Variants in AP2S1 observed in about 807,000 individuals in gnomAD.
AP2S1 encodes AP-2 complex subunit sigma.
Under a neutral mutation model 21.0 loss-of-function variants are expected in AP2S1, and 6 were observed. That is an observed-to-expected ratio of 0.29 (90% CI 0.16 to 0.56). AP2S1 has a LOEUF of 0.56. Ranked by LOEUF, AP2S1 falls within the 20% of genes least tolerant of loss-of-function variation. The pLI is 0.92. For missense variants in AP2S1, 60 were observed against 186.2 expected, an observed-to-expected ratio of 0.32 and a Z score of 3.95; for synonymous variants, 63 against 74.6, an observed-to-expected ratio of 0.84 and a Z score of 0.80.
intron 2 of AP2S1, among the ~76,000 whole-genome samples, chr19:46,841,617 A>G (rs2055522438): frequency 6.6e-6 from 1 of 152,114 alleles, no homozygotes; most frequent in Admixed American, 6.6e-5. Context: ...TCCCCATTGG[A>G]CTGAGCCTGT....
intron 1 of AP2S1, among the ~76,000 whole-genome samples, chr19:46,849,676 TCCCCTCTAGATGCCCC>T: frequency 6.6e-6 from 1 of 152,194 alleles, no homozygotes; most frequent in South Asian, 2.1e-4. Flanking sequence ...GCCTCTGCTG[TCCCCTCTAGATGCCCC>T]CCAACCTTCC....
chr19:46,842,860 C>T lies in AP2S1; in HGVS notation c.153+3133G>A, dbSNP rs553755475. Among the ~76,000 whole-genome samples, 5 of 152,162 alleles carry T rather than the reference C, an allele frequency of 3.3e-5. No individual in the cohort carries two copies. In the South Asian group the frequency reaches 8.3e-4, roughly 25 times the overall value. ...TCTCCCTCATCTCTCTGCCTGCAGA[C>T]GTGGCCCTCTGGTGCTCTCCTCGGT... is the stretch of plus-strand genomic sequence containing the variant. On this transcript the variant is annotated intron_variant, in intron 2 of 4. Coordinates refer to ENST00000263270, the MANE Select transcript of AP2S1 (RefSeq NM_004069.6).
At chr19:46,843,846 C>T (rs1173057675) in intron 2 of AP2S1, among the ~76,000 whole-genome samples, 3 of 152,102 alleles carry the variant, frequency 2.0e-5, no homozygotes, top group Non-Finnish European at 4.4e-5. Context: ...TGTAATTGCA[C>T]CACTGTACTC....
intron 3 of AP2S1, 83 bp downstream of exon 3, chr19:46,839,379 AGGG>A: frequency 7.0e-7 from 1 of 1,426,660 alleles, no homozygotes; most frequent in South Asian, 1.2e-5. Context: ...AGGGCTCAGG[AGGG>A]ACCAGGGAGG....
intron 3 of AP2S1, 27 bp downstream of exon 3, chr19:46,839,438 C>CCCCCAAAAAA: frequency 6.3e-7 from 1 of 1,577,422 alleles, no homozygotes; most frequent in Non-Finnish European, 8.7e-7. Flanking sequence ...ACCCGCCTCC[C>CCCCCAAAAAA]CACCTTACAT....
rs2055484524 is a variant in AP2S1 at position 46,839,773 on chromosome 19, C to G, written c.154-195G>C. The stretch of plus-strand genomic sequence containing the variant: ...CACAGTGCAGCGGGGGCAGGCATCC[C>G]CAGAATGGACAGGATGGGCTGTGAG... On this transcript the variant is annotated intron_variant, in intron 2 of 4. Coordinates refer to ENST00000263270, the MANE Select transcript of AP2S1 (RefSeq NM_004069.6). The G allele has an allele frequency of 5.6e-6, 5 of 896,678 alleles. No individual in the cohort carries two copies. In the East Asian group the frequency reaches 1.4e-4, roughly 24 times the overall value. The allele number at this position is 896,678 out of a possible 1,614,324, so 55.5% of individuals were successfully genotyped here.
At chr19:46,849,233 T>C (rs1194259596) in intron 1 of AP2S1, among the ~76,000 whole-genome samples, 4 of 151,516 alleles carry the variant, frequency 2.6e-5, no homozygotes, top group Non-Finnish European at 5.9e-5. Flanking sequence ...CTCGAACTCC[T>C]GACCTTATGT....
At position 46,838,829 on chromosome 19, in the gene AP2S1, A is replaced by G; in HGVS notation, c.268-30T>C. 1.2e-6 allele frequency: 2 copies of G among 1,604,886 alleles called. No homozygotes were observed. The highest frequency in any genetic ancestry group is 1.7e-6 in the Non-Finnish European group (2 of 1,172,180). ...GAGAGGAAGGCAGAGATGGTAAGAG[A>G]TGGGCAGGGAGAGAGCCACACACGC... On this transcript the variant is annotated intron_variant, in intron 3 of 4. Coordinates refer to ENST00000263270, the MANE Select transcript of AP2S1 (RefSeq NM_004069.6). This position sits in a 1 kb window ranked among gnomAD's most constrained non-coding sequence, Gnocchi z 4.1.
chr19:46,848,376 T>C (rs1599775533), intron 1 of AP2S1, among the ~76,000 whole-genome samples: 2 of 152,076 alleles, frequency 1.3e-5, no homozygotes, highest in South Asian at 4.1e-4. Flanking sequence ...CGAGACGCTG[T>C]CTCAAAAAAA....
At chr19:46,850,604 G>A (rs964347087) in intron 1 of AP2S1, 160 bp downstream of exon 1, 10 of 691,346 alleles carry the variant, frequency 1.4e-5, no homozygotes, top group South Asian at 1.9e-5. Flanking sequence ...ACCGCCCTGT[G>A]CCCTCCTTCC....
intron 2 of AP2S1, among the ~76,000 whole-genome samples, chr19:46,845,235 C>T (rs1422626250): frequency 6.6e-6 from 1 of 151,492 alleles, no homozygotes; most frequent in Non-Finnish European, 1.5e-5. Flanking sequence ...GGTGAAACCT[C>T]GTCTCTACCA....
rs112515986 is a variant in AP2S1 at position 46,845,990 on chromosome 19, C to G, written c.153+3G>C. ...GGTGCAGGAGGCATGGAGCGGGCGT[C>G]ACCTCCACAAAGTTGGTGTGTTTGG... On this transcript the variant is annotated splice_donor_region_variant and intron_variant, in intron 2 of 4. Transcript: ENST00000263270. 1 of 1,614,012 alleles carries G rather than the reference C, an allele frequency of 6.2e-7. No homozygotes were observed.
chr19:46,839,573 C>T lies in AP2S1; in HGVS notation c.159G>A (p.Arg53=), dbSNP rs899780265. 6.2e-7 allele frequency: 1 copy of T among 1,614,148 alleles called. No individual in the cohort carries two copies. Among genetic ancestry groups the T allele is most frequent in the African/African-American group, 1.3e-5 (1 of 75,044 alleles). ...DAKHTNFVEF[R]NFKIIYRRYA... is the part of the protein sequence containing the mutation. Reference sequence around the variant, plus strand: ...AGCGGCGGTAAATGATCTTAAAGTTCCGGAACTGCAGAACAGAGAGGCTGT... The same window carrying T: ...AGCGGCGGTAAATGATCTTAAAGTTTCGGAACTGCAGAACAGAGAGGCTGT... The change falls in exon 3 of 5, where the codon CGG becomes CGA. Residue 53 remains arginine, a synonymous_variant. Transcript: ENST00000263270.
At chr19:46,843,301 G>C (rs955669482) in intron 2 of AP2S1, among the ~76,000 whole-genome samples, 1 of 152,114 alleles carries the variant, frequency 6.6e-6, no homozygotes, top group Non-Finnish European at 1.5e-5. Flanking sequence ...ACCTCTCTCC[G>C]AGCAGTCTCC....
Position 46,850,843 on chromosome 19 carries a change from GC to G in AP2S1, c.-78del. The stretch of plus-strand genomic sequence containing the variant: ...CTCCGGCTCAGGGTGCAGTTGTAGG[GC>G]CCAGAGCTAGAGCGGACTTCCGGTA... On this transcript the variant is annotated 5_prime_UTR_variant, in exon 1 of 5. Coordinates refer to ENST00000263270, the MANE Select transcript of AP2S1 (RefSeq NM_004069.6). 1 of 1,385,594 alleles carries G rather than the reference GC, an allele frequency of 7.2e-7. No individual in the cohort carries two copies. The highest frequency in any genetic ancestry group is 9.8e-7 in the Non-Finnish European group (1 of 1,025,108). 85.8% of individuals were successfully genotyped at this position (1,385,594 alleles called of 1,614,324 possible).
intron 2 of AP2S1, among the ~76,000 whole-genome samples, chr19:46,840,949 G>GT (rs1038403553): frequency 7.3e-5 from 11 of 150,262 alleles, no homozygotes; most frequent in Non-Finnish European, 1.2e-4. Flanking sequence ...TGTTTTCAGG[G>GT]TTTTTTTTGT....
chr19:46,850,796 C>T lies in AP2S1; in HGVS notation c.-30G>A. The T allele has an allele frequency of 6.4e-7, 1 of 1,552,882 alleles. No individual in the cohort carries two copies. The highest frequency in any genetic ancestry group is 2.5e-5 in the East Asian group (1 of 40,234). ...ACCCCCGTCCAGACCCCAGCGGCCCCGGTCCCGCGGCGACTGGGCAGCTCC... is the reference window on the plus strand; with the variant it reads ...ACCCCCGTCCAGACCCCAGCGGCCCTGGTCCCGCGGCGACTGGGCAGCTCC... On this transcript the variant is annotated 5_prime_UTR_variant, in exon 1 of 5. Coordinates refer to ENST00000263270, the MANE Select transcript of AP2S1 (RefSeq NM_004069.6).
chr19:46,839,417 C>T, intron 3 of AP2S1, 48 bp downstream of exon 3: 1 of 1,587,952 alleles, frequency 6.3e-7, no homozygotes, highest in African/African-American at 1.3e-5. Context: ...GGGGCCACTC[C>T]AGGGCTGCCC....
In AP2S1 at chr19:46,840,392, A is replaced by T. The variant is rs1020852333; in HGVS notation, c.154-814T>A. ...CAAAAAAAAAAAAAAAAAAAATCCC[A>T]GCACTCCAGGAGGCCGGGCGAGAGG... On this transcript the variant is annotated intron_variant, in intron 2 of 4. Coordinates refer to ENST00000263270, the MANE Select transcript of AP2S1 (RefSeq NM_004069.6). Among the ~76,000 whole-genome samples the T allele has an allele frequency of 1.6e-4, 23 of 139,928 alleles. No individual in the cohort carries two copies. The East Asian group carries it at 3.6e-3, about 22-fold the overall frequency. 91.8% of individuals were successfully genotyped at this position (139,928 alleles called of 152,430 possible).
Sources: gnomAD v4.1 joint callset for allele counts (sites outside exome capture counted in the v4.1 genomes callset) on GRCh38, gnomAD v4.1.1 for gene constraint, Gnocchi (gnomAD v3.1) non-coding constraint, MANE v1.5 for transcripts, NCBI Gene and HGNC (gene_info 2026-07-23, HGNC 2026-07-21) for gene names.